The following MCC variants were observed in gnomAD, a reference collection of about 807,000 sequenced individuals.
The protein encoded by MCC is colorectal mutant cancer protein.
A neutral mutation model predicts 116.2 loss-of-function variants in MCC; 90 were observed. The ratio of observed to expected loss-of-function variants is 0.77; its 90% confidence interval spans 0.65 to 0.92. MCC has a LOEUF of 0.92. Ranked by LOEUF, MCC falls within the 40% of genes least tolerant of loss-of-function variation. The pLI is 0.00. For missense variants in MCC, 1,516 were observed against 1,312.2 expected, an observed-to-expected ratio of 1.16 and a Z score of -2.40; for synonymous variants, 578 against 510.5, an observed-to-expected ratio of 1.13 and a Z score of -1.78.
At chr5:113,062,868 G>C (rs1004925588) in intron 14 of MCC, among the ~76,000 whole-genome samples, 1 of 152,210 alleles carries the variant, frequency 6.6e-6, no homozygotes, top group African/African-American at 2.4e-5. Flanking sequence ...GAGAAAGAGA[G>C]AGGGGAACAT....
intron 3 of MCC, among the ~76,000 whole-genome samples, chr5:113,151,877 G>C (rs967721961): frequency 2.0e-5 from 3 of 151,818 alleles, no homozygotes; most frequent in African/African-American, 7.3e-5. Flanking sequence ...TGCTGCATAT[G>C]TGACAGGCAG....
At chr5:113,124,915 G>A (rs2150272159) in intron 5 of MCC, among the ~76,000 whole-genome samples, 1 of 152,354 alleles carries the variant, frequency 6.6e-6, no homozygotes, top group South Asian at 2.1e-4. Context: ...TGCCAGTGGG[G>A]AGTGACCAAA....
intron 5 of MCC, among the ~76,000 whole-genome samples, chr5:113,132,441 TATACACACACACACACACACACAC>T (rs1253087274): frequency 2.1e-5 from 2 of 96,942 alleles, no homozygotes; most frequent in Non-Finnish European, 2.0e-5. Context: ...TATATATATA[TATACACACACACACACACACACAC>T]ACACACACAC....
intron 1 of MCC, among the ~76,000 whole-genome samples, chr5:113,392,406 A>G (rs981139756): frequency 3.3e-5 from 5 of 152,192 alleles, no homozygotes; most frequent in African/African-American, 9.6e-5. Context: ...TGGATTGCCA[A>G]AAACATTAGT....
chr5:113,121,156 C>T (rs1455408714), intron 6 of MCC, among the ~76,000 whole-genome samples: 1 of 152,216 alleles, frequency 6.6e-6, no homozygotes, highest in Admixed American at 6.5e-5. Context: ...CCACCCTAAT[C>T]TGAGCAACAA....
chr5:113,115,473 T>C (rs964805566), intron 6 of MCC, among the ~76,000 whole-genome samples: 14 of 152,340 alleles, frequency 9.2e-5, no homozygotes, highest in African/African-American at 3.1e-4. Context: ...CTGACACAAT[T>C]TGTTTCTGTG....
At chr5:113,198,803 C>G (rs1458128235) in intron 3 of MCC, among the ~76,000 whole-genome samples, 1 of 151,864 alleles carries the variant, frequency 6.6e-6, no homozygotes, top group African/African-American at 2.4e-5. Flanking sequence ...AGGAGAGAGG[C>G]TGGGCTGGGT....
intron 16 of MCC, among the ~76,000 whole-genome samples, chr5:113,045,775 G>T (rs891384391): frequency 6.8e-6 from 1 of 146,254 alleles, no homozygotes; most frequent in Non-Finnish European, 1.5e-5. Context: ...CTCCAGCCTG[G>T]GCAACAAGAG....
Position 113,396,198 on chromosome 5 carries a change from T to G in MCC, c.171-10986A>C, listed in dbSNP as rs116477795. On this transcript the variant is annotated intron_variant, in intron 1 of 18. Transcript: ENST00000408903. ...CAAACATTAGCTGGGTATGGTGGCA[T>G]ATGCCTGTAGTCCCGGCTACTTGGG... Among the ~76,000 whole-genome samples, 1,005 of 152,176 alleles carry G rather than the reference T, an allele frequency of 6.6e-3. 9 individuals are homozygous for G. The highest frequency in any genetic ancestry group is 0.023 in the African/African-American group (940 of 41,494).
intron 4 of MCC, among the ~76,000 whole-genome samples, chr5:113,150,930 G>A (rs556339086): frequency 6.6e-6 from 1 of 152,234 alleles, no homozygotes; most frequent in East Asian, 1.9e-4. Context: ...GGTAGTCCCA[G>A]CTACTTGGGA....
chr5:113,346,282 G>A (rs972127712), intron 2 of MCC, among the ~76,000 whole-genome samples: 5 of 152,122 alleles, frequency 3.3e-5, no homozygotes, highest in African/African-American at 1.2e-4. Context: ...AGGAGATAGA[G>A]ACAGAGATAG....
At chr5:113,039,917 C>T (rs1404422207) in intron 17 of MCC, among the ~76,000 whole-genome samples, 1 of 152,078 alleles carries the variant, frequency 6.6e-6, no homozygotes, top group Non-Finnish European at 1.5e-5. Context: ...AGATCACTTA[C>T]TTGGTGGAAA....
In MCC at chr5:113,065,833, T is replaced by C. The variant is rs1753565171; in HGVS notation, c.2030-1666A>G. ...CACAGTATGATGGGCCAGCCACTCC[T>C]GTCAGCGGAATGCAAGGGCGAGGCT... is the stretch of plus-strand genomic sequence containing the variant. On this transcript the variant is annotated intron_variant, in intron 13 of 18. Coordinates refer to ENST00000408903, the MANE Select transcript of MCC (RefSeq NM_001085377.2). 2.6e-5 allele frequency among the ~76,000 whole-genome samples: 4 copies of C among 152,364 alleles called. No homozygotes were observed. In the South Asian group the frequency reaches 6.2e-4, roughly 24 times the overall value.
intron 1 of MCC, among the ~76,000 whole-genome samples, chr5:113,474,910 A>G (rs1405185187): frequency 6.6e-6 from 1 of 152,226 alleles, no homozygotes; most frequent in Non-Finnish European, 1.5e-5. Flanking sequence ...GAACAAATAA[A>G]GCCCTCTCTT....
rs1415561316 is a variant in MCC at position 113,237,959 on chromosome 5, G to GA, written c.628-86538dup. Among the ~76,000 whole-genome samples the GA allele has an allele frequency of 3.3e-5, 5 of 152,294 alleles. No homozygotes were observed. The South Asian group carries it at 1.0e-3, about 32-fold the overall frequency. Reference sequence around the variant, plus strand: ...AGTATGGTTTGGGGAGCTGGGGAGGGAAAAAACTGAAGTAGGGAAACAGAG... The same window carrying GA: ...AGTATGGTTTGGGGAGCTGGGGAGGGAAAAAAACTGAAGTAGGGAAACAGAG... On this transcript the variant is annotated intron_variant, in intron 3 of 18. Transcript: ENST00000408903.
chr5:113,399,830 T>C (rs969684625), intron 1 of MCC: 3 of 152,164 alleles, frequency 2.0e-5, no homozygotes, highest in Admixed American at 1.3e-4. Flanking sequence ...CTTCTTAGAT[T>C]TGAGTTACTG....
chr5:113,294,052 C>G (rs1318900309), intron 3 of MCC, among the ~76,000 whole-genome samples: 1 of 152,184 alleles, frequency 6.6e-6, no homozygotes, highest in African/African-American at 2.4e-5. Flanking sequence ...GGGATGCAGA[C>G]TGTCGTGAGT....
At chr5:113,141,106 A>T (rs1423494294) in intron 5 of MCC, among the ~76,000 whole-genome samples, 1 of 152,164 alleles carries the variant, frequency 6.6e-6, no homozygotes, top group Non-Finnish European at 1.5e-5. Flanking sequence ...GGAAGAGAAA[A>T]GACAAATTCA....
intron 11 of MCC, among the ~76,000 whole-genome samples, chr5:113,075,862 C>G (rs761875386): frequency 6.6e-6 from 1 of 152,186 alleles, no homozygotes; most frequent in African/African-American, 2.4e-5. Context: ...ACGTGAAGGT[C>G]TGCAGCTTCA....
Sources: allele counts gnomAD v4.1 joint callset (sites outside exome capture counted in the v4.1 genomes callset), GRCh38; gene constraint gnomAD v4.1.1; transcripts MANE v1.5; gene names NCBI Gene and HGNC (gene_info 2026-07-23, HGNC 2026-07-21).